Variants in DGKB observed in about 807,000 individuals in gnomAD.
DGKB encodes the protein 90 kDa diacylglycerol kinase.
Under a neutral mutation model 114.3 loss-of-function variants are expected in DGKB, and 67 were observed. That is an observed-to-expected ratio of 0.59 (90% CI 0.48 to 0.72). The LOEUF (loss-of-function observed/expected upper bound fraction) is 0.72. Ranked by LOEUF, DGKB falls within the 30% of genes least tolerant of loss-of-function variation. DGKB has a pLI of 0.00. For missense variants in DGKB, 907 were observed against 975.2 expected, an observed-to-expected ratio of 0.93 and a Z score of 0.93; for synonymous variants, 398 against 323.1, an observed-to-expected ratio of 1.23 and a Z score of -2.49.
At position 14,789,544 on chromosome 7, in the gene DGKB, C is replaced by T. The variant is rs151236509; in HGVS notation, c.71-31813G>A. Among the ~76,000 whole-genome samples the T allele has an allele frequency of 2.3e-3, 350 of 152,176 alleles. 2 individuals carry two copies. The highest frequency in any genetic ancestry group is 8.2e-3 in the African/African-American group (342 of 41,500). On this transcript the variant is annotated intron_variant, in intron 2 of 25. Transcript: ENST00000402815. ...GTTTTGGGCTATTATGAATGAAGTG[C>T]TTTTAAAGATTTGTGTATAGGCCTT... is the stretch of plus-strand genomic sequence containing the variant.
chr7:14,168,194 C>A (rs149606804), intron 25 of DGKB, among the ~76,000 whole-genome samples: 1 of 151,954 alleles, frequency 6.6e-6, no homozygotes, highest in Non-Finnish European at 1.5e-5. Flanking sequence ...AAGGACTCAA[C>A]AACAGAATGG....
chr7:14,357,832 A>AT (rs1814882572), intron 21 of DGKB, among the ~76,000 whole-genome samples: 1 of 152,014 alleles, frequency 6.6e-6, no homozygotes. Context: ...TGTGTAAAGG[A>AT]TTTTATTTCT....
chr7:14,883,125 T>C (rs1236014593), intron 1 of DGKB, among the ~76,000 whole-genome samples: 2 of 151,920 alleles, frequency 1.3e-5, no homozygotes, highest in African/African-American at 2.4e-5. Flanking sequence ...GAGTACTTGG[T>C]TGTAATCATG....
chr7:14,415,357 T>C (rs9639193), intron 21 of DGKB, among the ~76,000 whole-genome samples: 39,706 of 151,110 alleles, frequency 0.26, 5,708 homozygotes, highest in East Asian at 0.47. Context: ...GCCATGTTGG[T>C]GTGCTGCACC....
chr7:14,901,473 C>G (rs753795548), intron 1 of DGKB, among the ~76,000 whole-genome samples: 8 of 152,110 alleles, frequency 5.3e-5, no homozygotes, highest in Non-Finnish European at 1.2e-4. Flanking sequence ...CTTACATTCT[C>G]TTTTAGGTAA....
chr7:14,638,861 AC>A (rs1433925213), intron 13 of DGKB, among the ~76,000 whole-genome samples: 1 of 151,218 alleles, frequency 6.6e-6, no homozygotes, highest in Non-Finnish European at 1.5e-5. Context: ...ATATGGTGAA[AC>A]CCATCTCTAC....
intron 1 of DGKB, among the ~76,000 whole-genome samples, chr7:14,959,217 A>T (rs1786696129): frequency 6.6e-6 from 1 of 152,082 alleles, no homozygotes; most frequent in South Asian, 2.1e-4. Flanking sequence ...TCATATAATT[A>T]GTACATTTAT....
chr7:14,816,241 G>A, intron 2 of DGKB, among the ~76,000 whole-genome samples: 1 of 152,116 alleles, frequency 6.6e-6, no homozygotes, highest in East Asian at 1.9e-4. Flanking sequence ...GGCCGAGACA[G>A]GAGAATCGCT....
chr7:14,161,125 G>A (rs181960557), intron 25 of DGKB, among the ~76,000 whole-genome samples: 96 of 152,232 alleles, frequency 6.3e-4, no homozygotes, highest in African/African-American at 2.0e-3. Flanking sequence ...AACATCTCAC[G>A]CCAGTTAGAA....
intron 1 of DGKB, among the ~76,000 whole-genome samples, chr7:14,858,111 G>A (rs1042723555): frequency 1.3e-5 from 2 of 152,110 alleles, no homozygotes; most frequent in African/African-American, 4.8e-5. Flanking sequence ...TGAGGAACGG[G>A]TATTTGATGG....
At chr7:14,411,425 G>A (rs560119130) in intron 21 of DGKB, among the ~76,000 whole-genome samples, 3 of 152,214 alleles carry the variant, frequency 2.0e-5, no homozygotes, top group Non-Finnish European at 4.4e-5. Context: ...GCCCAGATAC[G>A]GGAGTAAAGA....
chr7:14,404,820 C>G (rs1823681937), intron 21 of DGKB, among the ~76,000 whole-genome samples: 1 of 151,818 alleles, frequency 6.6e-6, no homozygotes, highest in African/African-American at 2.4e-5. Flanking sequence ...ACACTCTCTG[C>G]TTTTCCTTGT....
At chr7:14,188,662 A>AG (rs1783839574) in intron 23 of DGKB, among the ~76,000 whole-genome samples, 1 of 147,094 alleles carries the variant, frequency 6.8e-6, no homozygotes, top group Non-Finnish European at 1.5e-5. Flanking sequence ...TCCGTCTCAA[A>AG]AAAAAAAAAA....
intron 23 of DGKB, among the ~76,000 whole-genome samples, chr7:14,270,450 C>T (rs1296743748): frequency 6.6e-6 from 1 of 152,076 alleles, no homozygotes; most frequent in African/African-American, 2.4e-5. Flanking sequence ...CCCTCTTATC[C>T]TATCAACCAA....
intron 1 of DGKB, among the ~76,000 whole-genome samples, chr7:14,887,763 TTTAA>T (rs1205688447): frequency 6.6e-6 from 1 of 151,842 alleles, no homozygotes; most frequent in Non-Finnish European, 1.5e-5. Context: ...GTATCATATA[TTTAA>T]TTTTTACTCT....
chr7:14,369,739 T>C (rs1583456844), intron 21 of DGKB, among the ~76,000 whole-genome samples: 2 of 152,382 alleles, frequency 1.3e-5, no homozygotes, highest in Admixed American at 1.3e-4. Context: ...TGTCTGTTCA[T>C]ATCCTTCATC....
intron 20 of DGKB, among the ~76,000 whole-genome samples, chr7:14,541,855 C>A (rs1259720043): frequency 1.3e-5 from 2 of 152,126 alleles, no homozygotes; most frequent in Non-Finnish European, 2.9e-5. Context: ...AATTTCAATG[C>A]CAAATTCATT....
At chr7:14,953,191 G>C (rs1396516995) in intron 1 of DGKB, among the ~76,000 whole-genome samples, 1 of 150,644 alleles carries the variant, frequency 6.6e-6, no homozygotes, top group Admixed American at 6.6e-5. Flanking sequence ...AGCAAAAAAA[G>C]AAAATATGTA....
intron 20 of DGKB, among the ~76,000 whole-genome samples, chr7:14,497,938 C>A (rs1376642407): frequency 6.6e-6 from 1 of 151,794 alleles, no homozygotes; most frequent in Non-Finnish European, 1.5e-5. Context: ...TTCTAGCACT[C>A]AAAGCATACG....
Sources: gnomAD v4.1 joint callset for allele counts (sites outside exome capture counted in the v4.1 genomes callset) on GRCh38, gnomAD v4.1.1 for gene constraint, MANE v1.5 for transcripts, NCBI Gene and HGNC (gene_info 2026-07-23, HGNC 2026-07-21) for gene names.